The following ZPBP variants were observed in gnomAD, a reference collection of about 807,000 sequenced individuals.
ZPBP encodes zona pellucida binding protein.
Under a neutral mutation model 44.8 loss-of-function variants are expected in ZPBP, and 26 were observed. The ratio of observed to expected loss-of-function variants is 0.58; its 90% CI spans 0.43 to 0.81. ZPBP has a LOEUF of 0.81. Ranked by LOEUF, ZPBP falls within the 30% of genes least tolerant of loss-of-function variation. The pLI is 0.00. For missense variants in ZPBP, 409 were observed against 434.0 expected (o/e 0.94, Z 0.51); for synonymous variants, 174 against 153.2 (o/e 1.14, Z -1.00).
chr7:49,891,374 C>G (rs1792120947), intron 2 of ZPBP, among the ~76,000 whole-genome samples: 1 of 152,078 alleles, frequency 6.6e-6, no homozygotes, highest in African/African-American at 2.4e-5. Flanking sequence ...GATGACAATT[C>G]CATAATTATA....
In ZPBP at chr7:49,900,161, G is replaced by A. The variant is rs183445179; in HGVS notation, n.509+957C>T. On this transcript the variant is annotated intron_variant and non_coding_transcript_variant, in intron 2 of 2. Coordinates refer to the ZPBP transcript ENST00000465922. ...TTTTAAACTAAATAAAAATATATGT[G>A]TGGGATATAGTGAAAGCAGGACTTT... Among the ~76,000 whole-genome samples the A allele has an allele frequency of 1.2e-4, 18 of 151,476 alleles. No homozygotes were observed. The East Asian group carries it at 3.3e-3, about 28-fold the overall frequency.
intron 3 of ZPBP, among the ~76,000 whole-genome samples, chr7:50,078,570 T>G (rs1802214273): frequency 6.6e-6 from 1 of 151,066 alleles, no homozygotes; most frequent in African/African-American, 2.4e-5. Context: ...AAGAAAAATT[T>G]TTAAAAGACT....
At chr7:49,968,407 G>C (rs1796150074) in intron 7 of ZPBP, among the ~76,000 whole-genome samples, 1 of 152,002 alleles carries the variant, frequency 6.6e-6, no homozygotes, top group South Asian at 2.1e-4. Flanking sequence ...AAAATTATGA[G>C]ATGATTCCAA....
At chr7:49,877,478 AAAAATATATAT>A (rs1182109231) in intron 2 of ZPBP, among the ~76,000 whole-genome samples, 2 of 39,152 alleles carry the variant, frequency 5.1e-5, no homozygotes, top group Admixed American at 3.7e-4. Context: ...AAAAAAAAAA[AAAAATATATAT>A]ATATATATAT....
chr7:50,004,860 G>A (rs1027696513), intron 6 of ZPBP, among the ~76,000 whole-genome samples: 2 of 151,960 alleles, frequency 1.3e-5, no homozygotes, highest in Non-Finnish European at 2.9e-5. Context: ...GGTGGAGAGA[G>A]GGAAAAGGGC....
chr7:50,090,967 A>G (rs985920153), intron 1 of ZPBP, among the ~76,000 whole-genome samples: 1 of 151,550 alleles, frequency 6.6e-6, no homozygotes, highest in Non-Finnish European at 1.5e-5. Context: ...CATCCACACC[A>G]ACATCTATTT....
intron 2 of ZPBP, among the ~76,000 whole-genome samples, chr7:49,881,024 A>G (rs1263839968): frequency 6.6e-6 from 1 of 152,110 alleles, no homozygotes; most frequent in Non-Finnish European, 1.5e-5. Flanking sequence ...CAAATGTTTC[A>G]TCCTTTCTTG....
At chr7:49,945,659 T>A (rs1404053621) in intron 7 of ZPBP, among the ~76,000 whole-genome samples, 1 of 152,092 alleles carries the variant, frequency 6.6e-6, no homozygotes, top group African/African-American at 2.4e-5. Context: ...TAAGTATAGC[T>A]ACTCCTGCTC....
At chr7:49,941,182 T>C (rs1394462147) in intron 7 of ZPBP, among the ~76,000 whole-genome samples, 2 of 152,208 alleles carry the variant, frequency 1.3e-5, no homozygotes, top group Non-Finnish European at 2.9e-5. Context: ...ATTGAAATCA[T>C]ACTTGGTGGA....
chr7:50,092,229 T>C (rs558300406), intron 1 of ZPBP, among the ~76,000 whole-genome samples: 8 of 152,214 alleles, frequency 5.3e-5, no homozygotes, highest in Admixed American at 1.3e-4. Context: ...TACATGGCAA[T>C]TGATGGCTAT....
At chr7:49,858,514 A>T (rs918162236) in intron 2 of ZPBP, among the ~76,000 whole-genome samples, 2 of 139,248 alleles carry the variant, frequency 1.4e-5, no homozygotes, top group African/African-American at 5.3e-5. Flanking sequence ...ATGACAACAC[A>T]CGGACACAGG....
intron 7 of ZPBP, among the ~76,000 whole-genome samples, chr7:49,976,594 G>A (rs1796527530): frequency 6.6e-6 from 1 of 152,078 alleles, no homozygotes; most frequent in South Asian, 2.1e-4. Flanking sequence ...GTCTTTAATA[G>A]AATGAGTAAT....
chr7:49,864,979 A>G (rs181127915), intron 2 of ZPBP, among the ~76,000 whole-genome samples: 121 of 151,574 alleles, frequency 8.0e-4, no homozygotes, highest in African/African-American at 2.8e-3. Context: ...CTCCTGTGGG[A>G]AGAATGGGAG....
rs77213627 is a variant in ZPBP at position 49,908,270 on chromosome 7, C to T, written n.412-7055G>A. 2.0e-3 allele frequency among the ~76,000 whole-genome samples: 309 copies of T among 152,214 alleles called. 1 individual carries two copies. The highest frequency in any genetic ancestry group is 3.5e-3 in the Non-Finnish European group (239 of 68,022). ...GGAGGTTATAATGAGGCATGTCCAA[C>T]GCCTACATTTCATCATGACCTGAGA... On this transcript the variant is annotated intron_variant and non_coding_transcript_variant, in intron 1 of 2. Coordinates refer to the ZPBP transcript ENST00000465922.
chr7:49,864,011 T>C (rs960684576), intron 2 of ZPBP, among the ~76,000 whole-genome samples: 5 of 152,210 alleles, frequency 3.3e-5, no homozygotes, highest in African/African-American at 1.2e-4. Flanking sequence ...AAATCATATA[T>C]TGTTTATTAT....
At chr7:50,084,609 G>T (rs1802539063) in intron 2 of ZPBP, among the ~76,000 whole-genome samples, 1 of 151,912 alleles carries the variant, frequency 6.6e-6, no homozygotes, top group South Asian at 2.1e-4. Flanking sequence ...AAAAAATCAT[G>T]CAGTCAGTAT....
chr7:50,018,352 T>C (rs755287961), intron 5 of ZPBP, 36 bp from the exon 6 acceptor site: 25 of 1,409,016 alleles, frequency 1.8e-5, no homozygotes, highest in Admixed American at 5.1e-5. Context: ...ATGGGTATAA[T>C]GTATTCTGTC....
chr7:49,973,059 A>G (rs892866069), intron 7 of ZPBP, among the ~76,000 whole-genome samples: 1 of 152,050 alleles, frequency 6.6e-6, no homozygotes, highest in Admixed American at 6.6e-5. Flanking sequence ...TAACTTACAC[A>G]GCAAACAAGT....
chr7:49,953,818 G>T (rs1464086823), intron 7 of ZPBP, among the ~76,000 whole-genome samples: 3 of 152,006 alleles, frequency 2.0e-5, no homozygotes, highest in African/African-American at 7.2e-5. Context: ...AACTAAAGAT[G>T]ACCTAAATAG....
Sources: gnomAD v4.1 joint callset for allele counts (sites outside exome capture counted in the v4.1 genomes callset) on GRCh38, gnomAD v4.1.1 for gene constraint, MANE v1.5 for transcripts, NCBI Gene and HGNC (gene_info 2026-07-23, HGNC 2026-07-21) for gene names.